The following PCDH15 variants were observed in gnomAD, a reference collection of about 807,000 sequenced individuals.
The protein encoded by PCDH15 is protocadherin related 15, also known as protocadherin-15.
In PCDH15, 129 loss-of-function variants were observed where a neutral mutation model predicts 178.5. That is an observed-to-expected ratio of 0.72 (90% confidence interval 0.63 to 0.84). PCDH15 has a LOEUF of 0.84. PCDH15 is among the 40% of genes least tolerant of loss of function. The pLI, the probability that PCDH15 is intolerant of heterozygous loss-of-function variation, is 0.00. For synonymous variants in PCDH15, 800 were observed against 732.0 expected (o/e 1.09, Z -1.50); for missense variants, 2,230 against 2,099.9 (o/e 1.06, Z -1.21).
intron 2 of PCDH15, among the ~76,000 whole-genome samples, chr10:55,138,116 TTG>T (rs890591156): frequency 2.5e-4 from 38 of 152,172 alleles, no homozygotes; most frequent in Non-Finnish European, 4.7e-4. Flanking sequence ...GCTATAGCTG[TTG>T]TAAGTCTGAT....
At chr10:55,031,001 A>G (rs1352293274) in intron 2 of PCDH15, among the ~76,000 whole-genome samples, 2 of 101,758 alleles carry the variant, frequency 2.0e-5, no homozygotes, top group Admixed American at 9.6e-5. Context: ...AAAGAAATGC[A>G]GATTTTTTTT....
chr10:55,558,441 C>T (rs1327322221), intron 2 of PCDH15, among the ~76,000 whole-genome samples: 1 of 152,088 alleles, frequency 6.6e-6, no homozygotes, highest in East Asian at 1.9e-4. Flanking sequence ...AGTGCTTGAG[C>T]TGCTGAACAA....
At chr10:53,918,177 G>A (rs111808362) in intron 25 of PCDH15, among the ~76,000 whole-genome samples, 157 of 152,228 alleles carry the variant, frequency 1.0e-3, no homozygotes, top group Admixed American at 1.7e-3. Context: ...TGGAAGGTGC[G>A]TTACTCTTTC....
At chr10:54,715,911 A>G (rs2095474788) in intron 1 of PCDH15, among the ~76,000 whole-genome samples, 1 of 152,114 alleles carries the variant, frequency 6.6e-6, no homozygotes, top group Admixed American at 6.6e-5. Context: ...CTTCAGGTGC[A>G]GAGATTGTGG....
chr10:54,487,384 A>G (rs2079184043), intron 3 of PCDH15, among the ~76,000 whole-genome samples: 3 of 152,046 alleles, frequency 2.0e-5, no homozygotes, highest in African/African-American at 4.8e-5. Context: ...AAATTAATTA[A>G]TGTATACAAG....
chr10:53,940,657 C>A (rs2085978494), intron 24 of PCDH15, among the ~76,000 whole-genome samples: 1 of 152,060 alleles, frequency 6.6e-6, no homozygotes, highest in South Asian at 2.1e-4. Context: ...TCTTAAGGTA[C>A]TTAATATTTC....
chr10:54,017,613 C>T (rs918947858), intron 20 of PCDH15, among the ~76,000 whole-genome samples: 12 of 152,064 alleles, frequency 7.9e-5, no homozygotes, highest in African/African-American at 2.7e-4. Flanking sequence ...ATAAAAATAG[C>T]CACTGAAAAT....
At chr10:54,182,971 TTTTTTG>T (rs910040188) in intron 13 of PCDH15, among the ~76,000 whole-genome samples, 5 of 146,512 alleles carry the variant, frequency 3.4e-5, no homozygotes, top group Non-Finnish European at 6.1e-5. Flanking sequence ...TTGTTTTTGG[TTTTTTG>T]TTTTTGTTTT....
At chr10:54,182,219 G>C (rs1372572456) in intron 13 of PCDH15, among the ~76,000 whole-genome samples, 1 of 152,094 alleles carries the variant, frequency 6.6e-6, no homozygotes, top group Non-Finnish European at 1.5e-5. Flanking sequence ...CGCTCGCCTC[G>C]GCCTCCCAAA....
At chr10:54,696,738 G>T (rs78231454) in intron 1 of PCDH15, among the ~76,000 whole-genome samples, 82 of 150,934 alleles carry the variant, frequency 5.4e-4, no homozygotes, top group Admixed American at 1.2e-3. Context: ...TTTCTACTTC[G>T]AGCTTTATTT....
At chr10:54,261,209 T>A (rs975161640) in intron 8 of PCDH15, among the ~76,000 whole-genome samples, 1 of 152,144 alleles carries the variant, frequency 6.6e-6, no homozygotes, top group African/African-American at 2.4e-5. Flanking sequence ...GAGACCTTAT[T>A]TATTGTAGGA....
Position 53,939,560 on chromosome 10 carries a change from C to T in PCDH15, c.3233-605G>A, listed in dbSNP as rs575049304. Among the ~76,000 whole-genome samples, 5 of 151,924 alleles carry T rather than the reference C, an allele frequency of 3.3e-5. No homozygotes were observed. In the South Asian group the frequency reaches 1.0e-3, roughly 32 times the overall value. ...CCTCTTATGCTCTCCATATTCTCTC[C>T]TTACTTTATTTTTTCATGTAATTAA... On this transcript the variant is annotated intron_variant, in intron 24 of 37. Transcript: ENST00000644397.
At chr10:55,035,858 C>T (rs944155493) in intron 2 of PCDH15, among the ~76,000 whole-genome samples, 5 of 151,976 alleles carry the variant, frequency 3.3e-5, no homozygotes, top group Admixed American at 3.3e-4. Context: ...GTGTGAATGT[C>T]CAATTTTTTT....
At chr10:55,325,553 T>C (rs1478713207) in intron 2 of PCDH15, among the ~76,000 whole-genome samples, 1 of 152,112 alleles carries the variant, frequency 6.6e-6, no homozygotes, top group Non-Finnish European at 1.5e-5. Context: ...ACTTACACCG[T>C]ATACAAAAAT....
intron 13 of PCDH15, among the ~76,000 whole-genome samples, chr10:54,158,016 A>C (rs1347430220): frequency 6.6e-6 from 1 of 152,206 alleles, no homozygotes; most frequent in Non-Finnish European, 1.5e-5. Flanking sequence ...CATTTTGGAC[A>C]AAGCCATTTG....
At chr10:55,114,383 C>A (rs1006274201) in intron 2 of PCDH15, among the ~76,000 whole-genome samples, 8 of 152,172 alleles carry the variant, frequency 5.3e-5, no homozygotes, top group Admixed American at 1.3e-4. Context: ...GATTTGCATT[C>A]GGTTACAATA....
chr10:54,783,267 A>T (rs1273853211), intron 1 of PCDH15, among the ~76,000 whole-genome samples: 2 of 152,128 alleles, frequency 1.3e-5, no homozygotes, highest in African/African-American at 4.8e-5. Flanking sequence ...ATTCAACAAA[A>T]AGATAGGTAT....
chr10:54,333,988 A>G (rs1325301826), intron 6 of PCDH15, among the ~76,000 whole-genome samples: 2 of 152,222 alleles, frequency 1.3e-5, no homozygotes, highest in Admixed American at 1.3e-4. Context: ...TAAAGCCAGG[A>G]CATTGCCCCC....
chr10:54,496,134 T>C (rs2080089453), intron 3 of PCDH15, among the ~76,000 whole-genome samples: 1 of 152,206 alleles, frequency 6.6e-6, no homozygotes, highest in South Asian at 2.1e-4. Context: ...ACTATAGTTA[T>C]GTTACCTGCG....
Sources: allele counts gnomAD v4.1 joint callset (sites outside exome capture counted in the v4.1 genomes callset), GRCh38; gene constraint gnomAD v4.1.1; transcripts MANE v1.5; gene names NCBI Gene and HGNC (gene_info 2026-07-23, HGNC 2026-07-21).